GANC: variants seen among roughly 807,000 people sequenced by gnomAD.
The protein encoded by GANC is neutral alpha-glucosidase C.
In GANC, 117 loss-of-function variants were observed where a neutral mutation model predicts 124.2. That is an observed-to-expected ratio of 0.94 (90% CI 0.81 to 1.10). The LOEUF is 1.10. GANC is among the 50% of genes least tolerant of loss of function. The pLI, the probability that GANC is intolerant of heterozygous loss-of-function variation, is 0.00. For synonymous variants in GANC, 377 were observed against 376.8 expected (o/e 1.00, Z -0.01); for missense variants, 1,140 against 1,095.0 (o/e 1.04, Z -0.58).
intron 16 of GANC, among the ~76,000 whole-genome samples, chr15:42,339,283 C>A (rs1203554004): frequency 6.8e-6 from 1 of 147,040 alleles, no homozygotes; most frequent in African/African-American, 2.5e-5. Context: ...CAAAGGAAAT[C>A]AGTTGCCAAC....
chr15:42,337,273 G>A (rs997764922), intron 15 of GANC, among the ~76,000 whole-genome samples: 4 of 152,164 alleles, frequency 2.6e-5, no homozygotes, highest in Non-Finnish European at 5.9e-5. Context: ...AGAAAATGTG[G>A]TACGTATACA....
intron 2 of GANC, among the ~76,000 whole-genome samples, chr15:42,277,801 C>G (rs9745221): frequency 0.01 from 1,550 of 151,062 alleles, 25 homozygotes; most frequent in African/African-American, 0.035. Flanking sequence ...GGGGTTTCAC[C>G]ATGTTGGTCA....
At chr15:42,306,734 C>G in intron 7 of GANC, 122 bp downstream of exon 7, 1 of 635,118 alleles carries the variant, frequency 1.6e-6, no homozygotes, top group East Asian at 2.8e-5. Context: ...GAACAGAAAT[C>G]CCAGATCAGA....
intron 3 of GANC, 140 bp downstream of exon 3, chr15:42,278,730 A>G (rs1005605120): frequency 3.4e-6 from 2 of 594,686 alleles, no homozygotes; most frequent in Admixed American, 3.4e-5. Flanking sequence ...TTAGTGGCTC[A>G]CGCCTGTAAT....
chr15:42,324,811 AATC>A (rs1259425590), intron 11 of GANC, among the ~76,000 whole-genome samples: 1 of 152,182 alleles, frequency 6.6e-6, no homozygotes, highest in Non-Finnish European at 1.5e-5. Flanking sequence ...GGGAATGAGA[AATC>A]ATCATTTAAT....
At chr15:42,310,520 G>T in intron 9 of GANC, 57 bp downstream of exon 9, 1 of 1,513,056 alleles carries the variant, frequency 6.6e-7, no homozygotes, top group Non-Finnish European at 8.9e-7. Context: ...AACCACTGCA[G>T]TGGAGTTATA....
At chr15:42,307,944 C>T (rs180823774) in intron 7 of GANC, among the ~76,000 whole-genome samples, 57 of 152,242 alleles carry the variant, frequency 3.7e-4, no homozygotes, top group East Asian at 1.7e-3. Flanking sequence ...TATATAGAGA[C>T]GAGATTTACT....
At chr15:42,276,857 A>T (rs188216541) in intron 2 of GANC, among the ~76,000 whole-genome samples, 2 of 151,546 alleles carry the variant, frequency 1.3e-5, no homozygotes, top group East Asian at 3.9e-4. Context: ...TCTTTTTTTA[A>T]TCACCCCTTT....
At chr15:42,288,804 A>T (rs1181174032) in intron 4 of GANC, among the ~76,000 whole-genome samples, 1 of 152,156 alleles carries the variant, frequency 6.6e-6, no homozygotes, top group Non-Finnish European at 1.5e-5. Flanking sequence ...GGTTATCGGC[A>T]TGAGCCACCA....
At chr15:42,282,452 C>T (rs1219501211) in intron 3 of GANC, among the ~76,000 whole-genome samples, 1 of 152,188 alleles carries the variant, frequency 6.6e-6, no homozygotes, top group Non-Finnish European at 1.5e-5. Flanking sequence ...AAGCTGCATA[C>T]ATCCACTTAT....
In GANC at chr15:42,352,373, A is replaced by T. The variant is rs1007108386; in HGVS notation, c.*234A>T. 3.1e-6 allele frequency: 4 copies of T among 1,309,178 alleles called. No individual in the cohort carries two copies. Among genetic ancestry groups the T allele is most frequent in the Admixed American group, 3.2e-5 (1 of 30,876 alleles). The allele number at this position is 1,309,178 out of a possible 1,614,324, so 81.1% of individuals were successfully genotyped here. On this transcript the variant is annotated 3_prime_UTR_variant, in exon 24 of 24. Transcript: ENST00000318010. The stretch of plus-strand genomic sequence containing the variant: ...TATCAAACATCTCCTTTTCTCCCTG[A>T]TACATAGCCCTGAGACATTTATAGC...
At chr15:42,312,813 G>A (rs11856797) in intron 10 of GANC, among the ~76,000 whole-genome samples, 138,295 of 152,000 alleles carry the variant, frequency 0.91, 64,263 homozygotes, top group Non-Finnish European at 1. Flanking sequence ...GTGGTGGGCT[G>A]TAATCCAGCT....
intron 2 of GANC, among the ~76,000 whole-genome samples, 189 bp from the exon 3 acceptor site, chr15:42,278,293 T>G (rs892124279): frequency 1.3e-5 from 2 of 152,220 alleles, no homozygotes; most frequent in African/African-American, 4.8e-5. Context: ...TTCTTACTAA[T>G]ACTCATCTTA....
chr15:42,333,335 AAAAG>A (rs2052260964), intron 15 of GANC, among the ~76,000 whole-genome samples: 1 of 152,100 alleles, frequency 6.6e-6, no homozygotes, highest in Non-Finnish European at 1.5e-5. Flanking sequence ...CTCAAAAAAA[AAAAG>A]AATTTTTTTT....
At chr15:42,340,611 A>G in intron 17 of GANC, 79 bp from the exon 18 acceptor site, 1 of 1,213,186 alleles carries the variant, frequency 8.2e-7, no homozygotes, top group Non-Finnish European at 1.2e-6. Context: ...TAAAAAAAAA[A>G]AAAAAACTAA....
chr15:42,302,646 A>G (rs1207473042), intron 6 of GANC, among the ~76,000 whole-genome samples: 1 of 152,198 alleles, frequency 6.6e-6, no homozygotes, highest in Non-Finnish European at 1.5e-5. Context: ...TAACCAGTTT[A>G]GAGAAGAACA....
intron 6 of GANC, among the ~76,000 whole-genome samples, chr15:42,303,682 A>AG (rs1555413347): frequency 6.6e-6 from 1 of 151,258 alleles, no homozygotes; most frequent in African/African-American, 2.4e-5. Context: ...AAAAAAAAAA[A>AG]AAAGAAAGCA....
At chr15:42,334,155 A>T (rs115074098) in intron 15 of GANC, among the ~76,000 whole-genome samples, 1,314 of 119,274 alleles carry the variant, frequency 0.011, 18 homozygotes, top group African/African-American at 0.038. Flanking sequence ...AAAAAAACAT[A>T]GAATAAAATC....
intron 4 of GANC, among the ~76,000 whole-genome samples, chr15:42,291,302 A>G (rs2051838841): frequency 6.6e-6 from 1 of 152,202 alleles, no homozygotes; most frequent in Admixed American, 6.5e-5. Flanking sequence ...AGCTTGGGCA[A>G]CTGAGAATGG....
Sources: gnomAD v4.1 joint callset for allele counts (sites outside exome capture counted in the v4.1 genomes callset) on GRCh38, gnomAD v4.1.1 for gene constraint, MANE v1.5 for transcripts, NCBI Gene and HGNC (gene_info 2026-07-23, HGNC 2026-07-21) for gene names.